Variants in SP140L observed in about 807,000 individuals in gnomAD.
SP140L encodes SP140 like nuclear body protein.
Under a neutral mutation model 84.3 loss-of-function variants are expected in SP140L, and 64 were observed. That is an observed-to-expected ratio of 0.76 (90% confidence interval 0.62 to 0.94). The LOEUF (loss-of-function observed/expected upper bound fraction) is 0.94. Among genes scored for constraint, SP140L ranks in the 40% least tolerant of loss-of-function variants. The probability of loss-of-function intolerance (pLI) is 0.00; values close to 1 mark genes in which losing one functional copy is unlikely to be tolerated. For missense variants in SP140L, 628 were observed against 692.5 expected, an observed-to-expected ratio of 0.91 and a Z score of 1.05; for synonymous variants, 242 against 236.9, an observed-to-expected ratio of 1.02 and a Z score of -0.20.
chr2:230,361,367 G>A (rs375285434), intron 4 of SP140L, among the ~76,000 whole-genome samples: 1 of 152,030 alleles, frequency 6.6e-6, no homozygotes, highest in Admixed American at 6.6e-5. Context: ...ACAATTTTGC[G>A]GGTAACACAG....
intron 2 of SP140L, among the ~76,000 whole-genome samples, chr2:230,356,060 G>T (rs1416182792): frequency 6.6e-6 from 1 of 152,068 alleles, no homozygotes; most frequent in African/African-American, 2.4e-5. Flanking sequence ...GTAAACACAT[G>T]AAAACATGCT....
chr2:230,348,108 A>G (rs1266537880), intron 2 of SP140L, among the ~76,000 whole-genome samples: 1 of 152,190 alleles, frequency 6.6e-6, no homozygotes, highest in African/African-American at 2.4e-5. Flanking sequence ...TCCCCACTGG[A>G]GAAACTTTGG....
rs560272543 is a variant in SP140L, at chr2:230,392,163, C to T, written c.1041C>T (p.Tyr347=). 5.6e-5 allele frequency: 90 copies of T among 1,614,008 alleles called. No individual in the cohort carries two copies. The highest frequency in any genetic ancestry group is 2.2e-4 in the East Asian group (10 of 44,882). ...TPMEFEIKGG[Y]ARSKNWRLSV... is the part of the protein sequence containing the mutation. ...TGGAATTTGAAATCAAAGGAGGCTA[C>T]GCAAGATCAAAGAACTGGAGGCTGA... The change falls in exon 12 of 19, where the codon TAC becomes TAT. Residue 347 remains tyrosine (Y), a synonymous_variant. Coordinates refer to ENST00000415673, the MANE Select transcript of SP140L (RefSeq NM_138402.6).
At chr2:230,389,245 G>A (rs2061705198) in intron 10 of SP140L, among the ~76,000 whole-genome samples, 1 of 152,046 alleles carries the variant, frequency 6.6e-6, no homozygotes. Context: ...ACCTCTGTTT[G>A]GAAGGGCAGG....
At chr2:230,390,398 T>C (rs994601736) in intron 11 of SP140L, among the ~76,000 whole-genome samples, 4 of 152,148 alleles carry the variant, frequency 2.6e-5, no homozygotes, top group African/African-American at 9.7e-5. Context: ...TTGGCTTGGG[T>C]GATGATCACA....
In SP140L at chr2:230,400,237, T is replaced by C; in HGVS notation, c.1308T>C (p.Ser436=). The C allele has an allele frequency of 1.2e-6, 2 of 1,614,094 alleles. No individual in the cohort carries two copies. Among genetic ancestry groups the C allele is most frequent in the East Asian group, 2.2e-5 (1 of 44,872 alleles). The change falls in exon 15 of 19, where the codon AGT becomes AGC. Residue 436 remains serine (S), a synonymous_variant. Coordinates refer to ENST00000415673, the MANE Select transcript of SP140L (RefSeq NM_138402.6). ...HEDCHIPPVE[S]EKTPWNCIFC... is the part of the protein sequence containing the mutation. ...ACTGCCACATCCCACCTGTGGAAAG[T>C]GAGAAGTAAGTGACATGCAGGCACC...
At chr2:230,334,152 T>G (rs1240809448) in intron 2 of SP140L, among the ~76,000 whole-genome samples, 3 of 152,216 alleles carry the variant, frequency 2.0e-5, no homozygotes, top group Non-Finnish European at 4.4e-5. Flanking sequence ...TGTACCCCAT[T>G]TTGATTTTCA....
intron 2 of SP140L, among the ~76,000 whole-genome samples, chr2:230,334,063 T>C (rs192779075): frequency 7.0e-4 from 107 of 152,326 alleles, no homozygotes; most frequent in African/African-American, 2.4e-3. Flanking sequence ...CAAGTGTCCA[T>C]TGGGTGTCCA....
intron 11 of SP140L, among the ~76,000 whole-genome samples, chr2:230,390,580 T>C (rs982733168): frequency 6.6e-6 from 1 of 152,246 alleles, no homozygotes; most frequent in Non-Finnish European, 1.5e-5. Flanking sequence ...TACATATTAA[T>C]GTAAAATATT....
chr2:230,327,297 AC>A lies in SP140L; in HGVS notation c.30del (p.Arg11GlyfsTer3), dbSNP rs754906024. ...GGCAGGTGGGGGCAGCGACCTGAGC[AC>A]CAGGTGAGTCTTTATCTCTCTTCCT... The part of the protein sequence containing the change: MAGGGSDLS[T>X]RGLNGGVSQV... On this transcript the variant is annotated frameshift_variant, in exon 1 of 19. Coordinates refer to ENST00000415673, the MANE Select transcript of SP140L (RefSeq NM_138402.6). LOFTEE classifies it high-confidence loss of function. 2.3e-5 allele frequency: 37 copies of A among 1,611,464 alleles called. No homozygotes were observed. In the African/African-American group the frequency reaches 4.8e-4, roughly 21 times the overall value.
chr2:230,362,382 G>A (rs548093984), intron 5 of SP140L, among the ~76,000 whole-genome samples: 1 of 152,276 alleles, frequency 6.6e-6, no homozygotes, highest in African/African-American at 2.4e-5. Context: ...TATCACAGGA[G>A]ATAATTGGTG....
Position 230,400,124 on chromosome 2 carries a change from T to C in SP140L, c.1198-3T>C. 1 of 1,614,070 alleles carries C rather than the reference T, an allele frequency of 6.2e-7. No homozygotes were observed. Among genetic ancestry groups the C allele is most frequent in the Non-Finnish European group, 8.5e-7 (1 of 1,179,968 alleles). ...GTGACGTGGACACTGTTTTACCTTC[T>C]AGATGAGAAACTTGGATGAGTGTGA... On this transcript the variant is annotated splice_polypyrimidine_tract_variant and splice_region_variant and intron_variant, in intron 14 of 18. Transcript: ENST00000415673.
intron 7 of SP140L, chr2:230,372,745 AAAG>A (rs2061125974): frequency 6.9e-6 from 1 of 145,074 alleles, no homozygotes; most frequent in Non-Finnish European, 1.5e-5. Flanking sequence ...AAAAAAAAAA[AAAG>A]AAAGAGTCAC....
chr2:230,383,648 T>G (rs1028817323), intron 8 of SP140L, 73 bp downstream of exon 8: 2 of 1,450,538 alleles, frequency 1.4e-6, no homozygotes, highest in African/African-American at 1.4e-5. Flanking sequence ...CTGGAAGGCC[T>G]GCAGTTCACG....
chr2:230,370,454 T>A (rs34827792), intron 5 of SP140L, among the ~76,000 whole-genome samples: 30,683 of 152,112 alleles, frequency 0.2, 3,223 homozygotes, highest in Non-Finnish European at 0.24. Flanking sequence ...CTTTAGGCAG[T>A]GAGACCTGTG....
chr2:230,385,358 T>C (rs905807464), intron 9 of SP140L, 54 bp downstream of exon 9: 6 of 1,512,450 alleles, frequency 4.0e-6, no homozygotes, highest in Non-Finnish European at 5.5e-6. Context: ...ATGCACATGT[T>C]GAGGTTTTGA....
At chr2:230,393,152 A>G (rs1361981392) in intron 12 of SP140L, among the ~76,000 whole-genome samples, 1 of 152,210 alleles carries the variant, frequency 6.6e-6, no homozygotes, top group Non-Finnish European at 1.5e-5. Flanking sequence ...AGATGGTATG[A>G]GATTATGAAT....
intron 13 of SP140L, 125 bp downstream of exon 13, chr2:230,393,586 A>G (rs1224895436): frequency 1.7e-6 from 2 of 1,179,146 alleles, no homozygotes; most frequent in African/African-American, 3.2e-5. Context: ...CACTTCCCAC[A>G]TATAAATTTT....
At chr2:230,337,686 G>A (rs1436225942) in intron 2 of SP140L, among the ~76,000 whole-genome samples, 2 of 152,170 alleles carry the variant, frequency 1.3e-5, no homozygotes, top group Admixed American at 6.5e-5. Context: ...GTGTAAAGAA[G>A]GGATCCAGTT....
Sources: allele counts gnomAD v4.1 joint callset (sites outside exome capture counted in the v4.1 genomes callset), GRCh38; gene constraint gnomAD v4.1.1; transcripts MANE v1.5; gene names NCBI Gene and HGNC (gene_info 2026-07-23, HGNC 2026-07-21).